The following DPP6 variants were observed in gnomAD, a reference collection of about 807,000 sequenced individuals.
DPP6 encodes the protein A-type potassium channel modulatory protein DPP6.
A neutral mutation model predicts 122.6 loss-of-function variants in DPP6; 69 were observed. That is an observed-to-expected ratio of 0.56 (90% CI 0.46 to 0.69). DPP6 has a LOEUF of 0.69. Among genes scored for constraint, DPP6 ranks in the 30% least tolerant of loss-of-function variants. DPP6 has a pLI of 0.00. For missense variants in DPP6, 928 were observed against 1,116.9 expected (o/e 0.83, Z 2.41); for synonymous variants, 418 against 433.1 (o/e 0.97, Z 0.43).
At chr7:154,258,819 A>G (rs537189381) in intron 1 of DPP6, among the ~76,000 whole-genome samples, 1 of 152,366 alleles carries the variant, frequency 6.6e-6, no homozygotes, top group South Asian at 2.1e-4. Context: ...TTATGGACAC[A>G]ACATTTAAAT....
chr7:154,186,270 AT>A (rs1237672908), intron 1 of DPP6, among the ~76,000 whole-genome samples: 51 of 152,236 alleles, frequency 3.4e-4, no homozygotes, highest in Non-Finnish European at 4.4e-4. Context: ...TGTTGAAATC[AT>A]ACTTGGGTCT....
Position 154,552,971 on chromosome 7 carries a change from G to A in DPP6, c.552+12345G>A, listed in dbSNP as rs1829742663. Among the ~76,000 whole-genome samples, 4 of 152,196 alleles carry A rather than the reference G, an allele frequency of 2.6e-5. No individual in the cohort carries two copies. In the South Asian group the frequency reaches 8.3e-4, roughly 32 times the overall value. On this transcript the variant is annotated intron_variant, in intron 4 of 25. Coordinates refer to ENST00000377770, the MANE Select transcript of DPP6 (RefSeq NM_130797.4). ...ACATCAACAATTTGAGGAACTCAAG[G>A]TAAGATACTTTACTCAGGGACAAGA...
At chr7:154,264,749 TTAA>T (rs1344862163) in intron 1 of DPP6, among the ~76,000 whole-genome samples, 1 of 149,154 alleles carries the variant, frequency 6.7e-6, no homozygotes, top group East Asian at 2.0e-4. Flanking sequence ...GTTAATGATG[TTAA>T]TGATGATAGT....
chr7:154,041,547 A>G (rs1164817544), intron 1 of DPP6, among the ~76,000 whole-genome samples: 2 of 152,168 alleles, frequency 1.3e-5, no homozygotes, highest in African/African-American at 4.8e-5. Context: ...TCCTGGTGCA[A>G]GAGCCAGGCA....
chr7:154,239,604 G>C (rs917451562), intron 1 of DPP6, among the ~76,000 whole-genome samples: 3 of 152,040 alleles, frequency 2.0e-5, no homozygotes, highest in Non-Finnish European at 4.4e-5. Flanking sequence ...TGTGTTCATC[G>C]ACTGTTTATA....
intron 1 of DPP6, among the ~76,000 whole-genome samples, chr7:154,228,829 G>A (rs908631226): frequency 6.6e-6 from 1 of 152,206 alleles, no homozygotes; most frequent in Non-Finnish European, 1.5e-5. Flanking sequence ...AGAACTGAGG[G>A]TCCCTGGAAT....
intron 1 of DPP6, among the ~76,000 whole-genome samples, chr7:154,211,584 C>G (rs1310875893): frequency 6.6e-6 from 1 of 152,138 alleles, no homozygotes; most frequent in Non-Finnish European, 1.5e-5. Context: ...TTCACCAGTA[C>G]CGGGGAAGAA....
chr7:153,834,519 T>C, the DPP6 span, among the ~76,000 whole-genome samples: 1 of 152,058 alleles, frequency 6.6e-6, no homozygotes, highest in Non-Finnish European at 1.5e-5. Context: ...AAGGTTAAAT[T>C]GTACAATAAA....
At chr7:154,527,475 A>G (rs1035396099) in intron 3 of DPP6, among the ~76,000 whole-genome samples, 1 of 152,242 alleles carries the variant, frequency 6.6e-6, no homozygotes, top group Non-Finnish European at 1.5e-5. Flanking sequence ...GTCTTAAGAT[A>G]TGTGTATGTT....
the DPP6 span, among the ~76,000 whole-genome samples, chr7:153,858,516 C>T: frequency 6.6e-6 from 1 of 152,172 alleles, no homozygotes; most frequent in Non-Finnish European, 1.5e-5. Context: ...TGACGCTGTC[C>T]TCCCACTCTG....
intron 7 of DPP6, among the ~76,000 whole-genome samples, chr7:154,726,593 C>T (rs555602833): frequency 1.3e-5 from 2 of 152,306 alleles, no homozygotes; most frequent in South Asian, 4.1e-4. Context: ...TCCTAGGCCT[C>T]CAGGCCTGTG....
intron 19 of DPP6, among the ~76,000 whole-genome samples, chr7:154,874,046 G>A (rs1314617685): frequency 7.9e-6 from 1 of 126,908 alleles, no homozygotes; most frequent in African/African-American, 2.9e-5. Flanking sequence ...GCATCCACAT[G>A]CAGCACATAT....
chr7:154,385,414 T>C (rs1448492869), intron 1 of DPP6, among the ~76,000 whole-genome samples: 2 of 152,184 alleles, frequency 1.3e-5, no homozygotes, highest in East Asian at 3.9e-4. Context: ...TCTGTGCATC[T>C]GTGATCAGAT....
intron 7 of DPP6, among the ~76,000 whole-genome samples, chr7:154,718,020 T>C (rs1841589046): frequency 1.3e-5 from 2 of 152,244 alleles, no homozygotes; most frequent in Admixed American, 1.3e-4. Context: ...GAAGATTTTC[T>C]CCTAGACCTG....
the DPP6 span, among the ~76,000 whole-genome samples, chr7:153,823,538 A>G: frequency 6.7e-6 from 1 of 150,270 alleles, no homozygotes; most frequent in Admixed American, 6.6e-5. Context: ...GCTGAAAGAC[A>G]ACACAATTCC....
At chr7:154,500,346 G>T (rs1050300911) in intron 3 of DPP6, among the ~76,000 whole-genome samples, 1 of 152,164 alleles carries the variant, frequency 6.6e-6, no homozygotes, top group African/African-American at 2.4e-5. Flanking sequence ...TTTTGTCTAA[G>T]AGAAATACAT....
chr7:153,967,931 A>G (rs1372682352), intron 1 of DPP6, among the ~76,000 whole-genome samples: 2 of 151,658 alleles, frequency 1.3e-5, no homozygotes, highest in South Asian at 2.1e-4. Context: ...CATGGTGTAT[A>G]TGTACCACAT....
chr7:154,776,668 A>G (rs1302038463), intron 10 of DPP6, among the ~76,000 whole-genome samples: 1 of 152,188 alleles, frequency 6.6e-6, no homozygotes, highest in African/African-American at 2.4e-5. Flanking sequence ...TTAGCCGGTA[A>G]AATCTTATTT....
intron 1 of DPP6, chr7:154,058,055 T>C (rs1338539414): frequency 6.9e-6 from 1 of 144,832 alleles, no homozygotes; most frequent in Non-Finnish European, 1.5e-5. Context: ...TCTTCCCCCC[T>C]GACTCTTGGG....
Sources: allele counts gnomAD v4.1 joint callset (sites outside exome capture counted in the v4.1 genomes callset), GRCh38; gene constraint gnomAD v4.1.1; transcripts MANE v1.5; gene names NCBI Gene and HGNC (gene_info 2026-07-23, HGNC 2026-07-21).